The following PKMYT1 variants were observed in gnomAD, a reference collection of about 807,000 sequenced individuals.
The protein encoded by PKMYT1 is protein kinase, membrane associated tyrosine/threonine 1.
In PKMYT1, 35 loss-of-function variants were observed where a neutral mutation model predicts 49.7. The ratio of observed to expected loss-of-function variants is 0.70; its 90% CI spans 0.54 to 0.93. PKMYT1 has a LOEUF of 0.93. Among genes scored for constraint, PKMYT1 ranks in the 40% least tolerant of loss-of-function variants. PKMYT1 has a pLI of 0.00. For missense variants in PKMYT1, 677 were observed against 673.1 expected, an observed-to-expected ratio of 1.01 and a Z score of -0.06; for synonymous variants, 331 against 287.6, an observed-to-expected ratio of 1.15 and a Z score of -1.53.
intron 7 of PKMYT1, 143 bp downstream of exon 7, chr16:2,973,857 A>C (rs879266871): frequency 2.3e-5 from 21 of 913,990 alleles, no homozygotes; most frequent in African/African-American, 3.3e-5. Flanking sequence ...CAGGCCACAC[A>C]CCCCCAGTCT....
In PKMYT1 at chr16:2,973,343, A is replaced by G. The variant is rs550809084; in HGVS notation, c.1311-128T>C. Reference sequence around the variant, plus strand: ...AGGCAGGGAGCCACAGTCAGGGACAATAAAAACTTGGTGCACTCTGAAAGC... The same window carrying G: ...AGGCAGGGAGCCACAGTCAGGGACAGTAAAAACTTGGTGCACTCTGAAAGC... On this transcript the variant is annotated intron_variant, in intron 7 of 8. Coordinates refer to ENST00000262300, the MANE Select transcript of PKMYT1 (RefSeq NM_004203.5). 2.9e-5 allele frequency: 44 copies of G among 1,543,684 alleles called. No individual in the cohort carries two copies. The African/African-American group carries it at 4.1e-4, about 14-fold the overall frequency.
rs1251247588 is a variant in PKMYT1 at position 2,973,208 on chromosome 16, G to C, written c.1318C>G (p.Leu440Val). 1.1e-5 allele frequency: 16 copies of C among 1,504,292 alleles called. No individual in the cohort carries two copies. In the South Asian group the frequency reaches 1.2e-4, roughly 11 times the overall value. The allele number at this position is 1,504,292 out of a possible 1,614,324, so 93.2% of individuals were successfully genotyped here. A position where few individuals can be genotyped will look rare whatever the true frequency, so the allele number is the denominator to read the frequency against. The change falls in exon 8 of 9, where the codon CTC becomes GTC. Residue 440 changes from leucine (L) to valine (V), a missense_variant. Coordinates refer to ENST00000262300, the MANE Select transcript of PKMYT1 (RefSeq NM_004203.5). ...NWDDDSLGPS[L>V]SPEAVLARTV... ...CGGGCCAGGACAGCCTCAGGGGAGA[G>C]TGAAGGCCTGCAGGAGGGCAGGCGA...
At chr16:2,973,911 G>A (rs2072095057) in intron 7 of PKMYT1, 89 bp downstream of exon 7, 1 of 1,387,524 alleles carries the variant, frequency 7.2e-7, no homozygotes, top group Non-Finnish European at 1.0e-6. Flanking sequence ...GTTTGTGGGA[G>A]TGGTCCCCAT....
chr16:2,976,642 T>C lies in PKMYT1; in HGVS notation c.378+22A>G, dbSNP rs144453672. On this transcript the variant is annotated intron_variant, in intron 3 of 8. Transcript: ENST00000262300. ...ACAAAGGAGGTCCCCCAGATGGGCC[T>C]AGAAGCCGTCCCCTCACTCACCTTG... The C allele has an allele frequency of 2.3e-3, 3,255 of 1,437,632 alleles. 6 individuals carry two copies. The highest frequency in any genetic ancestry group is 2.2e-3 in the Non-Finnish European group (2,440 of 1,089,572). 89.1% of individuals were successfully genotyped at this position (1,437,632 alleles called of 1,614,324 possible).
chr16:2,978,085 T>A (rs575891635), intron 2 of PKMYT1, among the ~76,000 whole-genome samples: 1 of 152,116 alleles, frequency 6.6e-6, no homozygotes, highest in Non-Finnish European at 1.5e-5. Context: ...CCTAAAGCAA[T>A]AGCAGCACTC....
At position 2,972,924 on chromosome 16, in the gene PKMYT1, G is replaced by A; in HGVS notation, c.*29C>T. On this transcript the variant is annotated 3_prime_UTR_variant, in exon 9 of 9. Transcript: ENST00000262300. Reference sequence around the variant, plus strand: ...CGACGGGAGAGACACAGGATAAAAGGTTAAAAGTGCAGAGGCAGAGTCTGG... The same window carrying A: ...CGACGGGAGAGACACAGGATAAAAGATTAAAAGTGCAGAGGCAGAGTCTGG... The A allele has an allele frequency of 6.3e-7, 1 of 1,580,258 alleles. No individual in the cohort carries two copies. Among genetic ancestry groups the A allele is most frequent in the East Asian group, 2.3e-5 (1 of 43,900 alleles).
chr16:2,977,174 GC>G (rs1269071866), intron 2 of PKMYT1, 143 bp from the exon 3 acceptor site: 2 of 1,474,986 alleles, frequency 1.4e-6, no homozygotes, highest in East Asian at 5.0e-5. Flanking sequence ...GGAGCAATAA[GC>G]ACCTACCAAG....
At chr16:2,979,501 G>A (rs548125054) in intron 2 of PKMYT1, 147 bp downstream of exon 2, 1 of 688,766 alleles carries the variant, frequency 1.5e-6, no homozygotes, top group Non-Finnish European at 2.7e-6. Flanking sequence ...CCCAGCCCAG[G>A]GTTTCTCCAA....
In PKMYT1 at chr16:2,979,880, C is replaced by A; in HGVS notation, c.-223G>T. 1.7e-6 allele frequency: 1 copy of A among 592,144 alleles called. No homozygotes were observed. Among genetic ancestry groups the A allele is most frequent in the South Asian group, 2.0e-5 (1 of 50,942 alleles). 36.7% of individuals were successfully genotyped at this position (592,144 alleles called of 1,614,324 possible). Reference sequence around the variant, plus strand: ...GGTAAGTTCCTCCCAGGCAGGGCCGCGGCTGACTTCACTCCGTGGGTGTGG... The same window carrying A: ...GGTAAGTTCCTCCCAGGCAGGGCCGAGGCTGACTTCACTCCGTGGGTGTGG... On this transcript the variant is annotated 5_prime_UTR_variant, in exon 2 of 9. Transcript: ENST00000262300.
chr16:2,979,409 G>T, intron 2 of PKMYT1: 1 of 559,740 alleles, frequency 1.8e-6, no homozygotes, highest in Non-Finnish European at 3.2e-6. Context: ...AGGGGTGAGG[G>T]GAGCGATGCT....
At chr16:2,974,510 G>A in intron 5 of PKMYT1, 40 bp downstream of exon 5, 1 of 1,535,164 alleles carries the variant, frequency 6.5e-7, no homozygotes, top group Non-Finnish European at 8.8e-7. Context: ...ATCTCCCCAG[G>A]AGCCCGTGGC....
Position 2,976,780 on chromosome 16 carries a change from C to T in PKMYT1, c.262G>A (p.Ala88Thr), listed in dbSNP as rs146807166. ...CCAGGGCTCTGCAGAGTCTCTGAGG[C>T]CTCGCCCCGGAATGACACCCGCCGG... is the stretch of plus-strand genomic sequence containing the variant. ...QPRRVSFRGE[A>T]SETLQSPGYD... Residue 88 changes from alanine (A) to threonine (T), a missense_variant, in exon 3 of 9, where the codon GCC (alanine) becomes ACC (threonine). Ala to Thr is a moderately conservative substitution (Grantham distance 58). Coordinates refer to ENST00000262300, the MANE Select transcript of PKMYT1 (RefSeq NM_004203.5). The T allele has an allele frequency of 5.7e-6, 9 of 1,577,238 alleles. No homozygotes were observed. The African/African-American group carries it at 1.1e-4, about 19-fold the overall frequency.
intron 2 of PKMYT1, chr16:2,977,634 A>C: frequency 2.9e-6 from 1 of 344,752 alleles, no homozygotes; most frequent in Non-Finnish European, 4.1e-6. Context: ...GCACACAGCA[A>C]ACAAAGGTTT....
At chr16:2,975,873 TAGG>T (rs1235317168) in intron 3 of PKMYT1, 61 bp from the exon 4 acceptor site, 7 of 1,531,612 alleles carry the variant, frequency 4.6e-6, no homozygotes, top group South Asian at 1.2e-5. Flanking sequence ...CACAATCACA[TAGG>T]GGGACAACCT....
In PKMYT1 at chr16:2,978,139, TCAGA is replaced by T. The variant is rs1340384815; in HGVS notation, c.11-1112_11-1109del. Among the ~76,000 whole-genome samples, 5 of 152,114 alleles carry T rather than the reference TCAGA, an allele frequency of 3.3e-5. No homozygotes were observed. In the South Asian group the frequency reaches 8.3e-4, roughly 25 times the overall value. On this transcript the variant is annotated intron_variant, in intron 2 of 8. Transcript: ENST00000262300. ...CCTGCCCCCAGTTCCACAGCATGGC[TCAGA>T]CAGAGATTTAGCCTAGGGGTAGACG...
At position 2,974,641 on chromosome 16, in the gene PKMYT1, G is replaced by A; in HGVS notation, c.888C>T (p.Ile296=). ...GCTCCATGTTGCATGCCACTTCCAG[G>A]ATGGTGAGGCCCAGACTGGCAGGGA... ...AADVFSLGLT[I]LEVACNMELP... The change falls in exon 5 of 9, where the codon ATC becomes ATT. Residue 296 remains isoleucine (I), a synonymous_variant. Coordinates refer to ENST00000262300, the MANE Select transcript of PKMYT1 (RefSeq NM_004203.5). 1 of 1,565,092 alleles carries A rather than the reference G, an allele frequency of 6.4e-7. No homozygotes were observed. The highest frequency in any genetic ancestry group is 2.4e-5 in the East Asian group (1 of 42,524).
At chr16:2,976,016 C>T (rs1323129565) in intron 3 of PKMYT1, 12 of 598,494 alleles carry the variant, frequency 2.0e-5, no homozygotes, top group African/African-American at 7.4e-5. Context: ...GGAGACCCAG[C>T]GACGGAGGAG....
chr16:2,977,924 T>A (rs944735738), intron 2 of PKMYT1, among the ~76,000 whole-genome samples: 4 of 152,178 alleles, frequency 2.6e-5, no homozygotes, highest in Admixed American at 1.3e-4. Context: ...GCTCCTTTCT[T>A]CCACCTGCCC....
intron 4 of PKMYT1, 147 bp downstream of exon 4, chr16:2,975,172 T>C (rs2072151223): frequency 1.6e-5 from 16 of 1,018,448 alleles, no homozygotes; most frequent in Non-Finnish European, 2.2e-5. Context: ...CGCTCTCCAC[T>C]GGAGGGCAGG....
Sources: gnomAD v4.1 joint callset for allele counts (sites outside exome capture counted in the v4.1 genomes callset) on GRCh38, gnomAD v4.1.1 for gene constraint, MANE v1.5 for transcripts, NCBI Gene and HGNC (gene_info 2026-07-23, HGNC 2026-07-21) for gene names.